The following DACH1 variants were observed in gnomAD, a reference collection of about 807,000 sequenced individuals.
DACH1 encodes dachshund family transcription factor 1, also known as dachshund homolog 1.
Under a neutral mutation model 54.2 loss-of-function variants are expected in DACH1, and 12 were observed. The ratio of observed to expected loss-of-function variants is 0.22; its 90% CI spans 0.14 to 0.36. The LOEUF (loss-of-function observed/expected upper bound fraction) is 0.36. Ranked by LOEUF, DACH1 falls within the 10% of genes least tolerant of loss-of-function variation. The pLI is 1.00. For synonymous variants in DACH1, 386 were observed against 366.2 expected, an observed-to-expected ratio of 1.05 and a Z score of -0.62; for missense variants, 805 against 929.8, an observed-to-expected ratio of 0.87 and a Z score of 1.75.
chr13:71,586,310 C>G (rs146878608), intron 3 of DACH1, among the ~76,000 whole-genome samples: 1 of 152,182 alleles, frequency 6.6e-6, no homozygotes, highest in East Asian at 1.9e-4. Flanking sequence ...AGGGAATATT[C>G]CTCCCAAATT....
At chr13:71,631,271 G>A (rs1877079555) in intron 2 of DACH1, among the ~76,000 whole-genome samples, 1 of 152,036 alleles carries the variant, frequency 6.6e-6, no homozygotes, top group Admixed American at 6.6e-5. Flanking sequence ...ACATTTCCTT[G>A]ACTTTTCATC....
chr13:71,517,600 T>C (rs1881259784), intron 6 of DACH1, among the ~76,000 whole-genome samples: 1 of 151,870 alleles, frequency 6.6e-6, no homozygotes, highest in Non-Finnish European at 1.5e-5. Flanking sequence ...GTGCACATGA[T>C]AAATACCAAA....
intron 1 of DACH1, among the ~76,000 whole-genome samples, chr13:71,770,877 A>G (rs1885826316): frequency 6.6e-6 from 1 of 151,458 alleles, no homozygotes; most frequent in Admixed American, 6.6e-5. Flanking sequence ...CCTTGACTAC[A>G]TGGTTTTTGC....
At chr13:71,776,352 G>A (rs1306018994) in intron 1 of DACH1, among the ~76,000 whole-genome samples, 1 of 152,080 alleles carries the variant, frequency 6.6e-6, no homozygotes, top group African/African-American at 2.4e-5. Context: ...TTATAGAAGT[G>A]AGAGTTACCA....
chr13:71,529,410 C>G lies in DACH1; in HGVS notation c.1570+27614G>C, dbSNP rs147904332. On this transcript the variant is annotated intron_variant, in intron 6 of 10. Coordinates refer to ENST00000613252, the MANE Select transcript of DACH1 (RefSeq NM_080759.6). The stretch of plus-strand genomic sequence containing the variant: ...CCATGTTAGCAACGATGGTCTCCAT[C>G]TCTTGACCTCAAAATCCACTTGCCT... Among the ~76,000 whole-genome samples the G allele has an allele frequency of 5.6e-3, 854 of 152,134 alleles. 10 individuals are homozygous for G. Among genetic ancestry groups the G allele is most frequent in the Non-Finnish European group, 9.1e-3 (618 of 67,998 alleles).
chr13:71,516,545 C>T (rs1193263039), intron 6 of DACH1, among the ~76,000 whole-genome samples: 1 of 151,830 alleles, frequency 6.6e-6, no homozygotes, highest in African/African-American at 2.4e-5. Flanking sequence ...AGTCTCTCTC[C>T]CCCACCTTAA....
chr13:71,542,661 G>T (rs1287192803), intron 6 of DACH1, among the ~76,000 whole-genome samples: 1 of 151,980 alleles, frequency 6.6e-6, no homozygotes, highest in Non-Finnish European at 1.5e-5. Context: ...CCAGAACACT[G>T]AAAATACATG....
intron 1 of DACH1, among the ~76,000 whole-genome samples, chr13:71,848,710 G>C (rs773268598): frequency 1.3e-4 from 19 of 151,876 alleles, no homozygotes; most frequent in East Asian, 7.7e-4. Context: ...TTGTACAGAT[G>C]GGGGGGTTCT....
chr13:71,529,183 GTTTTTTT>G (rs10707603), intron 6 of DACH1, among the ~76,000 whole-genome samples: 2 of 80,978 alleles, frequency 2.5e-5, no homozygotes, highest in African/African-American at 8.7e-5. Flanking sequence ...TGTGATTTGG[GTTTTTTT>G]TTTTTTTTTT....
chr13:71,681,978 C>T, intron 1 of DACH1, 68 bp from the exon 2 acceptor site: 1 of 915,620 alleles, frequency 1.1e-6, no homozygotes, highest in South Asian at 1.7e-5. Context: ...AAAGTTGTTT[C>T]AAGTGGTAAC....
At chr13:71,537,223 C>T (rs1882863248) in intron 6 of DACH1, among the ~76,000 whole-genome samples, 2 of 152,142 alleles carry the variant, frequency 1.3e-5, no homozygotes, top group Admixed American at 6.6e-5. Context: ...TCCCCAGCTC[C>T]ACTGCACCAG....
intron 6 of DACH1, among the ~76,000 whole-genome samples, chr13:71,541,564 G>C (rs2138332328): frequency 6.6e-6 from 1 of 152,134 alleles, no homozygotes; most frequent in South Asian, 2.1e-4. Flanking sequence ...CTTGCGATTT[G>C]TATACATATC....
At chr13:71,735,912 A>C (rs1482332904) in intron 1 of DACH1, among the ~76,000 whole-genome samples, 1 of 152,078 alleles carries the variant, frequency 6.6e-6, no homozygotes, top group Non-Finnish European at 1.5e-5. Flanking sequence ...CAGTCGGTAA[A>C]ATCAAAGGCA....
At chr13:71,656,247 TCATTCTG>T (rs1879081868) in intron 2 of DACH1, among the ~76,000 whole-genome samples, 1 of 152,210 alleles carries the variant, frequency 6.6e-6, no homozygotes, top group Admixed American at 6.5e-5. Context: ...CATTCCCTGT[TCATTCTG>T]CATTCTTCCT....
chr13:71,692,342 C>T (rs900684545), intron 1 of DACH1, among the ~76,000 whole-genome samples: 1 of 151,868 alleles, frequency 6.6e-6, no homozygotes, highest in African/African-American at 2.4e-5. Context: ...TTTTATACGT[C>T]AAATCTTCTC....
At position 71,654,438 on chromosome 13, in the gene DACH1, A is replaced by ATAAAATAAAGTAAAG. The variant is rs1878923926; in HGVS notation, c.965-23722_965-23721insCTTTACTTTATTTTA. Among the ~76,000 whole-genome samples, 11 of 139,322 alleles carry ATAAAATAAAGTAAAG rather than the reference A, an allele frequency of 7.9e-5. No homozygotes were observed. The South Asian group carries it at 1.2e-3, about 15-fold the overall frequency. 91.4% of individuals were successfully genotyped at this position (139,322 alleles called of 152,430 possible). A position where few individuals can be genotyped will look rare whatever the true frequency, so the allele number is the denominator to read the frequency against. On this transcript the variant is annotated intron_variant, in intron 2 of 10. Coordinates refer to ENST00000613252, the MANE Select transcript of DACH1 (RefSeq NM_080759.6). ...ATAAAATAAAATAAAATAAAATAAA[A>ATAAAATAAAGTAAAG]TAAAATAAAATAAAATAAAGTAAAA...
intron 1 of DACH1, among the ~76,000 whole-genome samples, chr13:71,803,756 G>T (rs936575023): frequency 3.3e-5 from 5 of 152,132 alleles, no homozygotes; most frequent in Non-Finnish European, 7.4e-5. Context: ...TAGTAAGTTT[G>T]TATTTCCCTT....
chr13:71,727,312 G>A (rs1418570064), intron 1 of DACH1, among the ~76,000 whole-genome samples: 2 of 152,036 alleles, frequency 1.3e-5, no homozygotes, highest in Non-Finnish European at 2.9e-5. Flanking sequence ...TGAAATGAGG[G>A]AAAGAGCAAG....
chr13:71,680,484 G>A (rs1279974372), intron 2 of DACH1, among the ~76,000 whole-genome samples: 6 of 152,112 alleles, frequency 3.9e-5, no homozygotes, highest in Admixed American at 6.6e-5. Flanking sequence ...TGTGCCTGTA[G>A]TTATAGCTAC....
Sources: gnomAD v4.1 joint callset for allele counts (sites outside exome capture counted in the v4.1 genomes callset) on GRCh38, gnomAD v4.1.1 for gene constraint, MANE v1.5 for transcripts, NCBI Gene and HGNC (gene_info 2026-07-23, HGNC 2026-07-21) for gene names.